ATG4A: variants seen among roughly 807,000 people sequenced by gnomAD.
ATG4A encodes autophagy related 4A cysteine peptidase, also known as cysteine protease ATG4A.
Under a neutral mutation model 38.4 loss-of-function variants are expected in ATG4A, and 22 were observed. The observed-to-expected ratio is 0.57, with a 90% CI of 0.41 to 0.82. ATG4A has a LOEUF of 0.82. Among genes scored for constraint, ATG4A ranks in the 40% least tolerant of loss-of-function variants. The pLI is 0.00. For missense variants in ATG4A, 220 were observed against 290.0 expected (o/e 0.76, Z 1.75); for synonymous variants, 86 against 100.7 (o/e 0.85, Z 0.88).
At chrX:108,088,932 T>C (rs1293911459), upstream of ATG4A, 34 of 772,471 alleles carry the variant, frequency 4.4e-5, no homozygotes, top group Non-Finnish European at 6.2e-5. Context: ...GGCAAATCTA[T>C]AGTTTGAAAA....
chrX:108,154,565 G>A lies in ATG4A; in HGVS notation c.*853G>A, dbSNP rs193137443. The A allele has an allele frequency of 1.8e-5, 2 of 112,732 alleles. No homozygotes were observed. Among genetic ancestry groups the A allele is most frequent in the Non-Finnish European group, 3.7e-5 (2 of 53,375 alleles). 9.3% of individuals were successfully genotyped at this position (112,732 alleles called of 1,213,427 possible). ...AAGAAAACTTTATTTACAAAAGCAG[G>A]TGGAGGGCTGGGTTTGGCCTGCAGG... On this transcript the variant is annotated 3_prime_UTR_variant, in exon 13 of 13. Coordinates refer to ENST00000372232, the MANE Select transcript of ATG4A (RefSeq NM_052936.5).
chrX:108,111,958 T>C (rs2032366336), intron 1 of ATG4A, among the ~76,000 whole-genome samples: 1 of 111,393 alleles, frequency 9.0e-6, no homozygotes, highest in African/African-American at 3.3e-5. Flanking sequence ...ATTACAGTCA[T>C]GAGCCACTAC....
chrX:108,140,660 A>G (rs1384883601), intron 9 of ATG4A, among the ~76,000 whole-genome samples: 3 of 102,913 alleles, frequency 2.9e-5, no homozygotes, highest in Non-Finnish European at 5.8e-5. Flanking sequence ...TATACAAAGT[A>G]TTATATACAT....
chrX:108,099,575 C>T (rs947330217), intron 1 of ATG4A, among the ~76,000 whole-genome samples: 1 of 111,460 alleles, frequency 9.0e-6, no homozygotes, highest in South Asian at 3.7e-4. Context: ...TTCACCAAGT[C>T]GTAGGTCTCA....
At chrX:108,141,060 G>GTATATATA (rs1569311688) in intron 9 of ATG4A, among the ~76,000 whole-genome samples, 2 of 30,028 alleles carry the variant, frequency 6.7e-5, no homozygotes, top group Non-Finnish European at 1.1e-4. Context: ...ATATATACGT[G>GTATATATA]TATATATATA....
intron 1 of ATG4A, among the ~76,000 whole-genome samples, chrX:108,094,154 T>A (rs2031728787): frequency 8.9e-6 from 1 of 112,130 alleles, no homozygotes; most frequent in Admixed American, 9.4e-5. Flanking sequence ...TTGCAAGGTC[T>A]CAGTGATTTT....
intron 1 of ATG4A, among the ~76,000 whole-genome samples, chrX:108,116,613 C>G (rs1281347917): frequency 8.9e-6 from 1 of 111,945 alleles, no homozygotes; most frequent in Non-Finnish European, 1.9e-5. Flanking sequence ...TGCACCACTT[C>G]TATTCTGCAA....
chrX:108,148,895 G>T (rs1331161417), intron 9 of ATG4A, among the ~76,000 whole-genome samples: 1 of 112,076 alleles, frequency 8.9e-6, no homozygotes, highest in Non-Finnish European at 1.9e-5. Flanking sequence ...CTGTTGATTT[G>T]CAGTAAAATA....
chrX:108,091,421 T>C (rs372681153), upstream of ATG4A: 1 of 1,210,623 alleles, frequency 8.3e-7, no homozygotes. Context: ...TCAGTTCTAG[T>C]AGCCAGGGAT....
chrX:108,110,674 A>G (rs1053015336), intron 1 of ATG4A, among the ~76,000 whole-genome samples: 2 of 111,874 alleles, frequency 1.8e-5, no homozygotes, highest in African/African-American at 6.5e-5. Flanking sequence ...TTCAACTTTC[A>G]CATATAAATG....
chrX:108,100,032 G>A (rs1229423053), intron 1 of ATG4A, among the ~76,000 whole-genome samples: 2 of 111,593 alleles, frequency 1.8e-5, no homozygotes, highest in Non-Finnish European at 1.9e-5. Context: ...TTAGACCTGT[G>A]TATCAGTTTG....
At chrX:108,095,171 C>G (rs1473517429) in intron 1 of ATG4A, among the ~76,000 whole-genome samples, 1 of 112,069 alleles carries the variant, frequency 8.9e-6, no homozygotes, top group Non-Finnish European at 1.9e-5. Context: ...AACTCCTGAC[C>G]TCAGGTGATC....
chrX:108,132,617 C>T (rs912662580), intron 4 of ATG4A, among the ~76,000 whole-genome samples: 16 of 110,627 alleles, frequency 1.4e-4, no homozygotes, highest in South Asian at 7.8e-4. Context: ...CAGGGTAAAA[C>T]GCAAGAAATC....
At chrX:108,091,908 C>T (rs2031640767) in intron 1 of ATG4A, 72 bp downstream of exon 1, 1 of 1,199,002 alleles carries the variant, frequency 8.3e-7, no homozygotes, top group Non-Finnish European at 1.1e-6. Flanking sequence ...GTCGTTGAGT[C>T]GGCCATATGA....
chrX:108,115,123 G>A (rs2032469906), intron 1 of ATG4A, among the ~76,000 whole-genome samples: 1 of 104,294 alleles, frequency 9.6e-6, no homozygotes, highest in Admixed American at 1.0e-4. Context: ...GTATGCGTGT[G>A]TGTGTGTGTG....
chrX:108,142,262 G>T (rs976434108), intron 9 of ATG4A, among the ~76,000 whole-genome samples: 1 of 110,024 alleles, frequency 9.1e-6, no homozygotes, highest in Admixed American at 9.7e-5. Flanking sequence ...CAAAAAATTC[G>T]CTGGATGTGG....
rs759239016 is a variant in ATG4A, at chrX:108,126,119, A to G, written c.53A>G (p.Tyr18Cys). ...GATCAGATTACTATTTTCACTGACTACCTAGAAGAATATCCAGATACAGAT... is the reference window on the plus strand; with the variant it reads ...GATCAGATTACTATTTTCACTGACTGCCTAGAAGAATATCCAGATACAGAT... ...YEDQITIFTD[Y>C]LEEYPDTDEL... The change falls in exon 2 of 13, where the codon TAC becomes TGC. Residue 18 changes from tyrosine to cysteine, a missense_variant. Transcript: ENST00000372232. 1.2e-5 allele frequency: 14 copies of G among 1,205,496 alleles called. No homozygotes were observed. In the Middle Eastern group the frequency reaches 9.2e-4, roughly 79 times the overall value.
intron 1 of ATG4A, among the ~76,000 whole-genome samples, chrX:108,096,495 G>T (rs933977280): frequency 2.7e-5 from 3 of 111,794 alleles, no homozygotes; most frequent in African/African-American, 9.8e-5. Flanking sequence ...TCCCTGTGTT[G>T]TGGTATTCAC....
intron 9 of ATG4A, among the ~76,000 whole-genome samples, chrX:108,148,472 A>G (rs2033492411): frequency 9.5e-6 from 1 of 105,558 alleles, no homozygotes. Context: ...TGTCTCAAAA[A>G]AAAAAAAAAA....
Sources: gnomAD v4.1 joint callset for allele counts (sites outside exome capture counted in the v4.1 genomes callset) on GRCh38, gnomAD v4.1.1 for gene constraint, MANE v1.5 for transcripts, NCBI Gene and HGNC (gene_info 2026-07-23, HGNC 2026-07-21) for gene names.